Variants in TAFA1 observed in about 807,000 individuals in gnomAD.
TAFA1 encodes chemokine-like protein TAFA-1.
In TAFA1, 4 loss-of-function variants were observed where a neutral mutation model predicts 18.5. That is an observed-to-expected ratio of 0.22 (90% CI 0.11 to 0.49). TAFA1 has a LOEUF of 0.49. TAFA1 is among the 20% of genes least tolerant of loss of function. TAFA1 has a pLI of 0.98. For missense variants in TAFA1, 147 were observed against 169.0 expected (o/e 0.87, Z 0.72); for synonymous variants, 56 against 55.2 (o/e 1.01, Z -0.06).
intron 3 of TAFA1, among the ~76,000 whole-genome samples, chr3:68,530,514 G>T (rs527573245): frequency 2.0e-5 from 3 of 152,154 alleles, no homozygotes; most frequent in Non-Finnish European, 4.4e-5. Flanking sequence ...CCTAAGCATG[G>T]CAAATTCACA....
chr3:68,414,498 G>T (rs1014752230), intron 2 of TAFA1, among the ~76,000 whole-genome samples: 1 of 152,124 alleles, frequency 6.6e-6, no homozygotes, highest in Non-Finnish European at 1.5e-5. Flanking sequence ...AGTGACTGGG[G>T]TCACACTTAT....
intron 2 of TAFA1, among the ~76,000 whole-genome samples, chr3:68,372,191 A>C (rs1048220282): frequency 2.6e-5 from 4 of 152,186 alleles, no homozygotes; most frequent in African/African-American, 9.7e-5. Flanking sequence ...AGAATCATAG[A>C]CATTAGTAGT....
intron 3 of TAFA1, among the ~76,000 whole-genome samples, chr3:68,470,202 T>C (rs994809425): frequency 3.9e-5 from 6 of 152,234 alleles, no homozygotes; most frequent in African/African-American, 1.4e-4. Context: ...TGATTCTCAT[T>C]CACCTTCTGC....
intron 3 of TAFA1, among the ~76,000 whole-genome samples, chr3:68,523,157 T>C (rs2073053547): frequency 6.6e-6 from 1 of 152,138 alleles, no homozygotes; most frequent in African/African-American, 2.4e-5. Flanking sequence ...CCAGGGATGA[T>C]AGGGAGTGGC....
At chr3:68,282,420 TAA>T (rs75417448) in intron 2 of TAFA1, among the ~76,000 whole-genome samples, 13 of 150,928 alleles carry the variant, frequency 8.6e-5, no homozygotes, top group African/African-American at 2.4e-4. Flanking sequence ...AAATGTGTCA[TAA>T]AAAAAAAATC....
intron 3 of TAFA1, among the ~76,000 whole-genome samples, chr3:68,506,076 TC>T (rs1342838064): frequency 6.6e-6 from 1 of 151,804 alleles, no homozygotes; most frequent in Non-Finnish European, 1.5e-5. Flanking sequence ...TGCATGATGT[TC>T]CCCCCTCTGT....
chr3:68,418,841 G>A (rs770306003), intron 3 of TAFA1, among the ~76,000 whole-genome samples: 1 of 152,132 alleles, frequency 6.6e-6, no homozygotes, highest in Non-Finnish European at 1.5e-5. Flanking sequence ...CTACAAAGCA[G>A]TATATTTTTT....
rs566790036 is a variant in TAFA1 at position 68,486,789 on chromosome 3, C to T, written c.260-51967C>T. Among the ~76,000 whole-genome samples, 7 of 152,334 alleles carry T rather than the reference C, an allele frequency of 4.6e-5. No homozygotes were observed. The South Asian group carries it at 8.3e-4, about 18-fold the overall frequency. On this transcript the variant is annotated intron_variant, in intron 3 of 4. Transcript: ENST00000478136. ...ACCTGGATGTCTTGATATCTGGGCACATACACAACTGAGCTACCCACTTCT... is the reference window on the plus strand; with the variant it reads ...ACCTGGATGTCTTGATATCTGGGCATATACACAACTGAGCTACCCACTTCT...
intron 2 of TAFA1, among the ~76,000 whole-genome samples, chr3:68,077,079 T>C (rs1194787155): frequency 3.4e-4 from 49 of 145,880 alleles, no homozygotes; most frequent in African/African-American, 1.1e-3. Context: ...CATTTTTTCA[T>C]GTGTTTTTTG....
At chr3:68,471,279 G>A (rs1180350014) in intron 3 of TAFA1, among the ~76,000 whole-genome samples, 1 of 152,214 alleles carries the variant, frequency 6.6e-6, no homozygotes, top group Non-Finnish European at 1.5e-5. Flanking sequence ...CAGAAGGGAA[G>A]TGTGAGGTAC....
chr3:68,340,997 TG>T (rs1283485989), intron 2 of TAFA1, among the ~76,000 whole-genome samples: 2 of 152,024 alleles, frequency 1.3e-5, no homozygotes, highest in African/African-American at 4.8e-5. Flanking sequence ...GTGGGTAAGA[TG>T]TTGATGTCTA....
At chr3:68,242,986 C>T (rs1455098334) in intron 2 of TAFA1, among the ~76,000 whole-genome samples, 1 of 151,958 alleles carries the variant, frequency 6.6e-6, no homozygotes, top group African/African-American at 2.4e-5. Context: ...TTAGTCTTCC[C>T]TGGATTTTGG....
chr3:68,165,839 T>C (rs1258515680), intron 2 of TAFA1, among the ~76,000 whole-genome samples: 2 of 152,242 alleles, frequency 1.3e-5, no homozygotes, highest in Non-Finnish European at 2.9e-5. Context: ...CTCACTGCTA[T>C]ATCCCCAGCA....
At chr3:68,209,327 A>C (rs2107062588) in intron 2 of TAFA1, among the ~76,000 whole-genome samples, 1 of 152,158 alleles carries the variant, frequency 6.6e-6, no homozygotes, top group South Asian at 2.1e-4. Context: ...GTGATTTTTA[A>C]ATTCAGCAAT....
At chr3:68,054,840 C>T (rs1159294009) in intron 2 of TAFA1, among the ~76,000 whole-genome samples, 2 of 152,152 alleles carry the variant, frequency 1.3e-5, no homozygotes, top group African/African-American at 4.8e-5. Context: ...TACCATTTGC[C>T]AGACACTATT....
chr3:68,510,340 G>GC (rs1461808886), intron 3 of TAFA1, among the ~76,000 whole-genome samples: 2 of 152,132 alleles, frequency 1.3e-5, no homozygotes, highest in African/African-American at 4.8e-5. Context: ...CAGGGCTTTG[G>GC]CCATCATTGT....
intron 2 of TAFA1, among the ~76,000 whole-genome samples, chr3:68,328,310 T>A (rs1267978999): frequency 6.6e-6 from 1 of 152,200 alleles, no homozygotes; most frequent in Non-Finnish European, 1.5e-5. Context: ...ATAAAATTGC[T>A]TTTGATGTTG....
chr3:68,197,688 G>T (rs1200039690), intron 2 of TAFA1, among the ~76,000 whole-genome samples: 1 of 151,214 alleles, frequency 6.6e-6, no homozygotes, highest in East Asian at 2.0e-4. Flanking sequence ...ATATATCTTT[G>T]TCAAAACAGC....
In TAFA1 at chr3:68,507,453, A is replaced by G. The variant is rs1327607204; in HGVS notation, c.260-31303A>G. 2.6e-5 allele frequency among the ~76,000 whole-genome samples: 4 copies of G among 152,228 alleles called. No homozygotes were observed. The East Asian group carries it at 5.8e-4, about 22-fold the overall frequency. ...TATAACATGATTACCAGGTTGTCAGATCAGGGCAAAAACAGTTGATTAAAA... is the reference window on the plus strand; with the variant it reads ...TATAACATGATTACCAGGTTGTCAGGTCAGGGCAAAAACAGTTGATTAAAA... On this transcript the variant is annotated intron_variant, in intron 3 of 4. Transcript: ENST00000478136.
Sources: allele counts gnomAD v4.1 joint callset (sites outside exome capture counted in the v4.1 genomes callset), GRCh38; gene constraint gnomAD v4.1.1; transcripts MANE v1.5; gene names NCBI Gene and HGNC (gene_info 2026-07-23, HGNC 2026-07-21).